The following GXYLT1 variants were observed in gnomAD, a reference collection of about 807,000 sequenced individuals.
GXYLT1 encodes glucoside xylosyltransferase 1.
Under a neutral mutation model 54.0 loss-of-function variants are expected in GXYLT1, and 29 were observed. That is an observed-to-expected ratio of 0.54 (90% CI 0.40 to 0.73). The LOEUF is 0.73. GXYLT1 is among the 30% of genes least tolerant of loss of function. The probability of loss-of-function intolerance (pLI) is 0.00; values close to 1 mark genes in which losing one functional copy is unlikely to be tolerated. For synonymous variants in GXYLT1, 176 were observed against 204.1 expected, an observed-to-expected ratio of 0.86 and a Z score of 1.17; for missense variants, 490 against 553.4, an observed-to-expected ratio of 0.89 and a Z score of 1.15.
At chr12:42,111,301 G>A (rs913144872) in intron 3 of GXYLT1, among the ~76,000 whole-genome samples, 5 of 152,224 alleles carry the variant, frequency 3.3e-5, no homozygotes, top group East Asian at 1.9e-4. Context: ...TGGCTGCAGC[G>A]CACCGTGCGC....
At chr12:42,093,087 T>C (rs547716570) in intron 7 of GXYLT1, among the ~76,000 whole-genome samples, 14 of 152,178 alleles carry the variant, frequency 9.2e-5, no homozygotes, top group Non-Finnish European at 2.1e-4. Context: ...GAAGCTAATA[T>C]ACTCCTAATA....
At chr12:42,115,084 T>C (rs191349564) in intron 3 of GXYLT1, among the ~76,000 whole-genome samples, 3,004 of 152,288 alleles carry the variant, frequency 0.02, 114 homozygotes, top group African/African-American at 0.068. Flanking sequence ...TCAACAACGC[T>C]TCATGCTAAA....
At position 42,129,857 on chromosome 12, in the gene GXYLT1, A is replaced by T; in HGVS notation, c.222-6T>A. 1 of 1,580,944 alleles carries T rather than the reference A, an allele frequency of 6.3e-7. No individual in the cohort carries two copies. Among genetic ancestry groups the T allele is most frequent in the Non-Finnish European group, 8.7e-7 (1 of 1,150,160 alleles). On this transcript the variant is annotated splice_polypyrimidine_tract_variant and splice_region_variant and intron_variant, in intron 1 of 7. Coordinates refer to ENST00000398675, the MANE Select transcript of GXYLT1 (RefSeq NM_173601.2). ...ACAGAGAGAAATCTTTACACCTAAC[A>T]GAGTAAGACAGAAATAAGAGTCCTG...
At chr12:42,091,021 A>G (rs2065325896) in intron 7 of GXYLT1, among the ~76,000 whole-genome samples, 1 of 152,222 alleles carries the variant, frequency 6.6e-6, no homozygotes, top group South Asian at 2.1e-4. Context: ...ATCCTTTATA[A>G]TTCATACTGT....
intron 7 of GXYLT1, among the ~76,000 whole-genome samples, chr12:42,095,964 G>C (rs1260798479): frequency 6.6e-6 from 1 of 152,150 alleles, no homozygotes; most frequent in Non-Finnish European, 1.5e-5. Flanking sequence ...AGCTGGTTTG[G>C]GGGTGGAGAC....
At chr12:42,093,391 G>A (rs2136875462) in intron 7 of GXYLT1, among the ~76,000 whole-genome samples, 1 of 152,194 alleles carries the variant, frequency 6.6e-6, no homozygotes, top group South Asian at 2.1e-4. Context: ...GTGAGCCACT[G>A]TGCCCGGCCT....
At chr12:42,141,676 C>G (rs2065653187) in intron 1 of GXYLT1, among the ~76,000 whole-genome samples, 1 of 152,020 alleles carries the variant, frequency 6.6e-6, no homozygotes, top group Non-Finnish European at 1.5e-5. Flanking sequence ...CAATTATACC[C>G]TACTAAAGCT....
At chr12:42,106,129 G>T in intron 4 of GXYLT1, 60 bp from the exon 5 acceptor site, 1 of 1,232,374 alleles carries the variant, frequency 8.1e-7, no homozygotes, top group Non-Finnish European at 1.2e-6. Context: ...AAACATAAAA[G>T]CACCTCTAAT....
intron 1 of GXYLT1, among the ~76,000 whole-genome samples, chr12:42,138,600 T>TA (rs1322953375): frequency 6.6e-6 from 1 of 152,002 alleles, no homozygotes; most frequent in African/African-American, 2.4e-5. Flanking sequence ...CACGATAAAG[T>TA]AAAAAGTAGC....
At chr12:42,142,034 A>G (rs995402531) in intron 1 of GXYLT1, among the ~76,000 whole-genome samples, 2 of 152,214 alleles carry the variant, frequency 1.3e-5, no homozygotes, top group African/African-American at 4.8e-5. Flanking sequence ...TTAAAATAAA[A>G]AGAGAGAAAT....
intron 1 of GXYLT1, among the ~76,000 whole-genome samples, chr12:42,136,420 G>A (rs1026972376): frequency 3.9e-5 from 6 of 152,158 alleles, no homozygotes; most frequent in Non-Finnish European, 7.4e-5. Flanking sequence ...ATTAATATGA[G>A]TTAGGTGGGT....
intron 1 of GXYLT1, among the ~76,000 whole-genome samples, chr12:42,140,242 G>A (rs1370422791): frequency 1.6e-5 from 2 of 123,732 alleles, no homozygotes; most frequent in Admixed American, 8.8e-5. Context: ...TGTGAAAATA[G>A]TGCCCAAACT....
In GXYLT1 at chr12:42,105,156, A is replaced by G. The variant is rs12311808; in HGVS notation, c.864+662T>C. On this transcript the variant is annotated intron_variant, in intron 5 of 7. Transcript: ENST00000398675. ...AACTACAGTGACTTGCAACTTAGAT[A>G]TACAACTAATCTACATGAAACTGGT... 5.5e-3 allele frequency among the ~76,000 whole-genome samples: 833 copies of G among 152,342 alleles called. 12 individuals are homozygous for G. The highest frequency in any genetic ancestry group is 0.019 in the African/African-American group (797 of 41,574).
At chr12:42,125,734 G>A (rs2065556798) in intron 2 of GXYLT1, among the ~76,000 whole-genome samples, 1 of 152,352 alleles carries the variant, frequency 6.6e-6, no homozygotes, top group Non-Finnish European at 1.5e-5. Flanking sequence ...TAAAACCAAG[G>A]CTGAGCACAG....
intron 1 of GXYLT1, among the ~76,000 whole-genome samples, chr12:42,142,134 C>A (rs977828141): frequency 6.6e-6 from 1 of 152,144 alleles, no homozygotes; most frequent in African/African-American, 2.4e-5. Context: ...TGCTGGCTTG[C>A]CCCATAGCCC....
intron 1 of GXYLT1, among the ~76,000 whole-genome samples, chr12:42,136,769 T>TACATACATACAC (rs1480769498): frequency 6.6e-6 from 1 of 151,636 alleles, no homozygotes; most frequent in Non-Finnish European, 1.5e-5. Context: ...CATACATACA[T>TACATACATACAC]ACATACATAC....
At chr12:42,124,556 C>G (rs1036278750) in intron 2 of GXYLT1, among the ~76,000 whole-genome samples, 1 of 152,056 alleles carries the variant, frequency 6.6e-6, no homozygotes, top group Non-Finnish European at 1.5e-5. Flanking sequence ...AACAAATAAT[C>G]AACAAAAAGC....
intron 3 of GXYLT1, among the ~76,000 whole-genome samples, chr12:42,111,081 G>C (rs1266118184): frequency 2.0e-5 from 3 of 152,212 alleles, no homozygotes; most frequent in Non-Finnish European, 4.4e-5. Context: ...ATTGGCAGCA[G>C]TCTATTACTA....
intron 1 of GXYLT1, among the ~76,000 whole-genome samples, chr12:42,136,612 T>C (rs1186481674): frequency 5.3e-5 from 8 of 152,166 alleles, no homozygotes; most frequent in South Asian, 2.1e-4. Context: ...CAAGGTACCT[T>C]TGCGGTGATG....
Sources: allele counts gnomAD v4.1 joint callset (sites outside exome capture counted in the v4.1 genomes callset), GRCh38; gene constraint gnomAD v4.1.1; transcripts MANE v1.5; gene names NCBI Gene and HGNC (gene_info 2026-07-23, HGNC 2026-07-21).